CTDP1: variants seen among roughly 807,000 people sequenced by gnomAD.
CTDP1 encodes the protein RNA polymerase II subunit A C-terminal domain phosphatase.
In CTDP1, 47 loss-of-function variants were observed where a neutral mutation model predicts 91.8. The observed-to-expected ratio is 0.51, with a 90% confidence interval of 0.41 to 0.65. CTDP1 has a LOEUF of 0.65. Ranked by LOEUF, CTDP1 falls within the 30% of genes least tolerant of loss-of-function variation. The pLI is 0.00. For missense variants in CTDP1, 1,272 were observed against 1,373.7 expected (o/e 0.93, Z 1.17); for synonymous variants, 656 against 598.5 (o/e 1.10, Z -1.40).
chr18:79,684,982 G>A (rs7241941), intron 1 of CTDP1, among the ~76,000 whole-genome samples: 5,933 of 57,192 alleles, frequency 0.1, 72 homozygotes, highest in South Asian at 0.18. Context: ...TGCTCCTTAC[G>A]GGGTGTGAGG....
chr18:79,750,668 C>CTT lies in CTDP1; in HGVS notation c.2748-2962_2748-2961dup, dbSNP rs749153854. Among the ~76,000 whole-genome samples, 300 of 94,208 alleles carry CTT rather than the reference C, an allele frequency of 3.2e-3. 2 individuals carry two copies. Among genetic ancestry groups the CTT allele is most frequent in the African/African-American group, 9.9e-3 (240 of 24,134 alleles). The allele number at this position is 94,208 out of a possible 152,430, so 61.8% of individuals were successfully genotyped here. A position where few individuals can be genotyped will look rare whatever the true frequency, so the allele number is the denominator to read the frequency against. ...ACCACCACACCTGGCTAATTTTTTG[C>CTT]TTTTTTTTTTTTTTTTTTTTTTTAA... On this transcript the variant is annotated intron_variant, in intron 12 of 12. Coordinates refer to ENST00000613122, the MANE Select transcript of CTDP1 (RefSeq NM_004715.5).
At chr18:79,693,740 T>G (rs2085673047) in intron 1 of CTDP1, among the ~76,000 whole-genome samples, 1 of 152,150 alleles carries the variant, frequency 6.6e-6, no homozygotes, top group South Asian at 2.1e-4. Context: ...TCCAGGGTGA[T>G]CCGCACACGC....
At chr18:79,754,505 T>G (rs1447012431), downstream of CTDP1, 1 of 152,754 alleles carries the variant, frequency 6.5e-6, no homozygotes, top group Non-Finnish European at 1.5e-5. Flanking sequence ...TTTTTGTAAG[T>G]TCTCTTCTCG....
chr18:79,700,882 C>T (rs1235751212), intron 4 of CTDP1, among the ~76,000 whole-genome samples: 4 of 152,194 alleles, frequency 2.6e-5, no homozygotes, highest in Admixed American at 2.0e-4. Context: ...GAAGCCAGTG[C>T]TCATTTGCCA....
chr18:79,752,358 T>C (rs1233590226), intron 12 of CTDP1, among the ~76,000 whole-genome samples: 39 of 128,494 alleles, frequency 3.0e-4, no homozygotes, highest in African/African-American at 1.0e-3. Flanking sequence ...AAGGAAAGCC[T>C]AGTGGCACCC....
intron 10 of CTDP1, among the ~76,000 whole-genome samples, chr18:79,718,800 C>A (rs1188737974): frequency 1.3e-5 from 2 of 152,190 alleles, no homozygotes; most frequent in African/African-American, 4.8e-5. Flanking sequence ...GAGCACCCAC[C>A]AAGACCTGGT....
At chr18:79,679,729 G>C (rs1289512476), upstream of CTDP1, 2 of 513,086 alleles carry the variant, frequency 3.9e-6, no homozygotes, top group Non-Finnish European at 7.1e-6. Context: ...CTCCGGCCCC[G>C]CGCGGCGCTC....
chr18:79,736,607 A>C, intron 12 of CTDP1, 86 bp downstream of exon 12: 19 of 1,297,050 alleles, frequency 1.5e-5, no homozygotes, highest in South Asian at 3.0e-5. Context: ...CCTGCATCTC[A>C]TTCTTCACGC....
intron 12 of CTDP1, among the ~76,000 whole-genome samples, chr18:79,751,923 ACTGAAGGCTAGTATGGCTCAGTTGCCC>A (rs1241131376): frequency 6.6e-6 from 1 of 152,238 alleles, no homozygotes; most frequent in African/African-American, 2.4e-5. Context: ...CGGGATTGTA[ACTGAAGGCTAGTATGGCTCAGTTGCCC>A]CTAATCAGGG....
intron 4 of CTDP1, 86 bp downstream of exon 4, chr18:79,698,074 A>T (rs1018990181): frequency 6.4e-7 from 1 of 1,562,284 alleles, no homozygotes; most frequent in African/African-American, 1.4e-5. Context: ...CTTGTTTTTT[A>T]GATGATTTCC....
At chr18:79,718,671 C>T (rs1335040117) in intron 10 of CTDP1, among the ~76,000 whole-genome samples, 2 of 152,146 alleles carry the variant, frequency 1.3e-5, no homozygotes, top group African/African-American at 4.8e-5. Context: ...CCTGGAGACC[C>T]CATGTAAATG....
rs935380731 is a variant in CTDP1, at chr18:79,736,312, GC to G, written c.2581-40del. 14 of 1,548,378 alleles carry G rather than the reference GC, an allele frequency of 9.0e-6. No homozygotes were observed. In the African/African-American group the frequency reaches 1.6e-4, roughly 18 times the overall value. On this transcript the variant is annotated intron_variant, in intron 11 of 12. Transcript: ENST00000613122. Reference sequence around the variant, plus strand: ...GAGAAGCCTGTTGCGGAGGAACGGGGCCCGGGAAGGAGGTCTGTCGCTGACT... The same window carrying G: ...GAGAAGCCTGTTGCGGAGGAACGGGGCCGGGAAGGAGGTCTGTCGCTGACT...
intron 4 of CTDP1, among the ~76,000 whole-genome samples, chr18:79,700,840 A>C (rs1211900431): frequency 6.6e-6 from 1 of 152,190 alleles, no homozygotes; most frequent in Non-Finnish European, 1.5e-5. Flanking sequence ...CTCTCGTTGG[A>C]GACTAACTAA....
intron 12 of CTDP1, among the ~76,000 whole-genome samples, chr18:79,750,415 T>C (rs2086971736): frequency 1.3e-5 from 2 of 152,158 alleles, no homozygotes; most frequent in Non-Finnish European, 2.9e-5. Flanking sequence ...GTAGAAAATA[T>C]TCATTCCAGT....
chr18:79,742,181 T>TGAGAGA (rs35935192), intron 12 of CTDP1, among the ~76,000 whole-genome samples: 1 of 99,956 alleles, frequency 1.0e-5, no homozygotes, highest in African/African-American at 3.6e-5. Context: ...GCATGAAGCA[T>TGAGAGA]GAGAGAGAGA....
intron 10 of CTDP1, among the ~76,000 whole-genome samples, chr18:79,728,165 T>A (rs2086489824): frequency 6.6e-6 from 1 of 152,106 alleles, no homozygotes; most frequent in Non-Finnish European, 1.5e-5. Context: ...AGTGGCGCAA[T>A]CTCGGCTCAC....
chr18:79,727,583 G>A (rs2086477330), intron 10 of CTDP1, among the ~76,000 whole-genome samples: 1 of 152,218 alleles, frequency 6.6e-6, no homozygotes, highest in Admixed American at 6.5e-5. Flanking sequence ...GGGAAGTCCT[G>A]AATTCCAAAC....
rs1243212489 is a variant in CTDP1, at chr18:79,714,504, A to C, written c.1044A>C (p.Arg348=). Residue 348 remains arginine (R), a synonymous_variant, in exon 8 of 13, where the codon CGA becomes CGC. Coordinates refer to ENST00000613122, the MANE Select transcript of CTDP1 (RefSeq NM_004715.5). ...ATGCATATTTAGTAAATCATTCTCG[A>C]GGCACTGAGGTCTCAGAGCCATCTC... ...SQTRKKVNHS[R]GTEVSEPSPP... is the part of the protein sequence containing the mutation. 2.5e-6 allele frequency: 4 copies of C among 1,613,042 alleles called. No individual in the cohort carries two copies. The South Asian group carries it at 4.4e-5, about 18-fold the overall frequency.
chr18:79,745,058 G>A (rs2086852349), intron 12 of CTDP1, among the ~76,000 whole-genome samples: 1 of 152,198 alleles, frequency 6.6e-6, no homozygotes, highest in Admixed American at 6.5e-5. Context: ...AAAGACTTGT[G>A]GGTCCTGAGA....
Sources: gnomAD v4.1 joint callset for allele counts (sites outside exome capture counted in the v4.1 genomes callset) on GRCh38, gnomAD v4.1.1 for gene constraint, MANE v1.5 for transcripts, NCBI Gene and HGNC (gene_info 2026-07-23, HGNC 2026-07-21) for gene names.